EYA1: variants seen among roughly 807,000 people sequenced by gnomAD.
EYA1 encodes EYA transcriptional coactivator and phosphatase 1.
EYA1 carries 16 observed loss-of-function variants against 82.0 expected under a neutral mutation model. The ratio of observed to expected loss-of-function variants is 0.20; its 90% CI spans 0.13 to 0.30. EYA1 has a LOEUF of 0.30. Among genes scored for constraint, EYA1 ranks in the 10% least tolerant of loss-of-function variants. The probability of loss-of-function intolerance (pLI) is 1.00; values close to 1 mark genes in which losing one functional copy is unlikely to be tolerated. For synonymous variants in EYA1, 261 were observed against 264.4 expected (o/e 0.99, Z 0.12); for missense variants, 633 against 730.7 (o/e 0.87, Z 1.54).
Position 71,390,580 on chromosome 8 carries a change from T to A in EYA1, c.34-34069A>T, listed in dbSNP as rs188537005. The stretch of plus-strand genomic sequence containing the variant: ...CCTTTTTAACATCTAGCTTTTGATA[T>A]TTATGTGAAGCTGTTCCATAAAAAT... On this transcript the variant is annotated intron_variant, in intron 2 of 18. Transcript: ENST00000643681. Among the ~76,000 whole-genome samples, 671 of 152,314 alleles carry A rather than the reference T, an allele frequency of 4.4e-3. 3 individuals carry two copies. The highest frequency in any genetic ancestry group is 7.4e-3 in the Non-Finnish European group (502 of 68,012).
chr8:71,333,176 T>C (rs1211222624), intron 4 of EYA1, among the ~76,000 whole-genome samples: 1 of 152,218 alleles, frequency 6.6e-6, no homozygotes, highest in Admixed American at 6.5e-5. Flanking sequence ...CTAATAAATG[T>C]TTTAGGAAAG....
chr8:71,375,187 T>C (rs1162738951), intron 2 of EYA1, among the ~76,000 whole-genome samples: 1 of 152,132 alleles, frequency 6.6e-6, no homozygotes, highest in East Asian at 1.9e-4. Flanking sequence ...AGATGATGAA[T>C]AGGTTAATTT....
intron 2 of EYA1, among the ~76,000 whole-genome samples, chr8:71,435,293 T>A (rs990824800): frequency 1.3e-5 from 2 of 152,162 alleles, no homozygotes; most frequent in African/African-American, 4.8e-5. Flanking sequence ...GTCATGATGA[T>A]GTTTAACCTT....
At chr8:71,274,769 A>T (rs892095463) in intron 9 of EYA1, among the ~76,000 whole-genome samples, 2 of 152,242 alleles carry the variant, frequency 1.3e-5, no homozygotes, top group Admixed American at 1.3e-4. Flanking sequence ...TTGCAGGCTT[A>T]CAGAAGCTTC....
chr8:71,355,743 C>G (rs538921070), intron 2 of EYA1, among the ~76,000 whole-genome samples: 1 of 152,164 alleles, frequency 6.6e-6, no homozygotes, highest in African/African-American at 2.4e-5. Context: ...GTTAAATGCC[C>G]TCTGAAAGTT....
chr8:71,244,836 T>C, intron 11 of EYA1, 144 bp from the exon 12 acceptor site: 1 of 609,764 alleles, frequency 1.6e-6, no homozygotes, highest in Non-Finnish European at 3.0e-6. Flanking sequence ...CTTATTTTAG[T>C]GTGCATGACT....
At chr8:71,356,270 T>A (rs552887497) in intron 2 of EYA1, among the ~76,000 whole-genome samples, 192 bp downstream of exon 2, 41 of 152,326 alleles carry the variant, frequency 2.7e-4, no homozygotes, top group African/African-American at 9.6e-4. Context: ...CCATAATTAT[T>A]TTCAAACCGA....
intron 4 of EYA1, 175 bp from the exon 5 acceptor site, chr8:71,322,443 A>G: frequency 1.6e-6 from 1 of 643,492 alleles, no homozygotes; most frequent in South Asian, 1.7e-5. Flanking sequence ...AGAAAGTTAA[A>G]CTATAAAGAG....
chr8:71,327,955 A>G (rs1823358876), intron 4 of EYA1, among the ~76,000 whole-genome samples: 1 of 149,154 alleles, frequency 6.7e-6, no homozygotes, highest in South Asian at 2.1e-4. Flanking sequence ...TCCTGGGTTC[A>G]AGCGATTCTC....
chr8:71,545,399 C>G (rs115733036), intron 1 of EYA1, among the ~76,000 whole-genome samples: 174 of 152,204 alleles, frequency 1.1e-3, no homozygotes, highest in African/African-American at 3.8e-3. Context: ...AAATTAGACA[C>G]TTTCAGGCAT....
chr8:71,269,848 G>A (rs1816302434), intron 10 of EYA1, 25 bp from the exon 11 acceptor site: 4 of 1,583,040 alleles, frequency 2.5e-6, no homozygotes, highest in Non-Finnish European at 3.5e-6. Flanking sequence ...CCAAATCAAT[G>A]TGTCTTTGCC....
At chr8:71,259,287 G>A (rs1814813131) in intron 11 of EYA1, among the ~76,000 whole-genome samples, 1 of 152,072 alleles carries the variant, frequency 6.6e-6, no homozygotes, top group African/African-American at 2.4e-5. Context: ...CACAGTTCAT[G>A]TTACCTTATT....
intron 1 of EYA1, among the ~76,000 whole-genome samples, chr8:71,544,261 A>G (rs574592703): frequency 6.6e-6 from 1 of 152,286 alleles, no homozygotes; most frequent in East Asian, 1.9e-4. Context: ...AGAAATATAC[A>G]TGGCAAAGGA....
At chr8:71,523,479 A>G (rs1813596976) in intron 2 of EYA1, among the ~76,000 whole-genome samples, 1 of 152,106 alleles carries the variant, frequency 6.6e-6, no homozygotes, top group Non-Finnish European at 1.5e-5. Context: ...CGCCCGGCCA[A>G]AAATCTATTC....
At chr8:71,276,724 C>A (rs976574830) in intron 9 of EYA1, among the ~76,000 whole-genome samples, 1 of 152,078 alleles carries the variant, frequency 6.6e-6, no homozygotes, top group Non-Finnish European at 1.5e-5. Flanking sequence ...GTGGTAAGAC[C>A]CTTCTGCTTC....
intron 9 of EYA1, among the ~76,000 whole-genome samples, chr8:71,295,177 G>T (rs1819466783): frequency 6.6e-6 from 1 of 152,168 alleles, no homozygotes; most frequent in Non-Finnish European, 1.5e-5. Flanking sequence ...CTTGGTTTTG[G>T]CAATAGGTTT....
chr8:71,269,855 T>C, intron 10 of EYA1, 32 bp from the exon 11 acceptor site: 2 of 1,554,390 alleles, frequency 1.3e-6, no homozygotes, highest in Non-Finnish European at 1.8e-6. Flanking sequence ...AATGTGTCTT[T>C]GCCTTGGCTG....
At chr8:71,360,772 T>C (rs1827301458) in intron 1 of EYA1, among the ~76,000 whole-genome samples, 1 of 152,238 alleles carries the variant, frequency 6.6e-6, no homozygotes, top group Non-Finnish European at 1.5e-5. Flanking sequence ...ATGTGCTTAC[T>C]ATCGACCTTT....
chr8:71,422,761 T>A (rs1474293831), intron 2 of EYA1, among the ~76,000 whole-genome samples: 1 of 152,006 alleles, frequency 6.6e-6, no homozygotes, highest in Non-Finnish European at 1.5e-5. Context: ...TATAAAACCA[T>A]CAGATCTCAT....
Sources: gnomAD v4.1 joint callset for allele counts (sites outside exome capture counted in the v4.1 genomes callset) on GRCh38, gnomAD v4.1.1 for gene constraint, MANE v1.5 for transcripts, NCBI Gene and HGNC (gene_info 2026-07-23, HGNC 2026-07-21) for gene names.